The following COLGALT2 variants were observed in gnomAD, a reference collection of about 807,000 sequenced individuals.
COLGALT2 encodes the protein procollagen galactosyltransferase 2.
In COLGALT2, 49 loss-of-function variants were observed where a neutral mutation model predicts 73.4. The observed-to-expected ratio is 0.67, with a 90% CI of 0.53 to 0.85. The LOEUF (loss-of-function observed/expected upper bound fraction) is 0.85. COLGALT2 is among the 40% of genes least tolerant of loss of function. The pLI, the probability that COLGALT2 is intolerant of heterozygous loss-of-function variation, is 0.00. For synonymous variants in COLGALT2, 295 were observed against 307.6 expected (o/e 0.96, Z 0.43); for missense variants, 722 against 790.2 (o/e 0.91, Z 1.03).
intron 1 of COLGALT2, among the ~76,000 whole-genome samples, chr1:183,994,556 G>T (rs527973245): frequency 6.6e-6 from 1 of 151,830 alleles, no homozygotes; most frequent in East Asian, 1.9e-4. Flanking sequence ...CCAGGTTCAA[G>T]CGATTCTCCT....
At chr1:183,955,625 T>C (rs1406799145) in intron 6 of COLGALT2, among the ~76,000 whole-genome samples, 2 of 152,140 alleles carry the variant, frequency 1.3e-5, no homozygotes, top group Non-Finnish European at 1.5e-5. Context: ...AGTTTGGAAG[T>C]AATATTGGTT....
At chr1:183,983,745 G>A (rs1447940016) in intron 1 of COLGALT2, among the ~76,000 whole-genome samples, 9 of 152,194 alleles carry the variant, frequency 5.9e-5, no homozygotes, top group Non-Finnish European at 8.8e-5. Context: ...GAGGCACAGT[G>A]GCCCCTCTCT....
chr1:183,936,824 C>T lies in COLGALT2; in HGVS notation c.*1937G>A. The T allele has an allele frequency of 1.6e-6, 2 of 1,231,676 alleles. No homozygotes were observed. Among genetic ancestry groups the T allele is most frequent in the Non-Finnish European group, 2.0e-6 (2 of 987,980 alleles). 76.3% of individuals were successfully genotyped at this position (1,231,676 alleles called of 1,614,324 possible). A position where few individuals can be genotyped will look rare whatever the true frequency, so the allele number is the denominator to read the frequency against. ...AGAGTTGGGTGAGTTCCCTTTCCTCCAGCGGCCTAGCTTGCTGGTCAGTGT... is the reference window on the plus strand; with the variant it reads ...AGAGTTGGGTGAGTTCCCTTTCCTCTAGCGGCCTAGCTTGCTGGTCAGTGT... On this transcript the variant is annotated 3_prime_UTR_variant, in exon 12 of 12. Transcript: ENST00000361927.
rs188039162 is a variant in COLGALT2 at position 183,953,440 on chromosome 1, A to C, written c.1029+1322T>G. ...CTGCCCAAAGAAGACCGGAACTGGA[A>C]GATCCTGGTTTTGTCTTATTTTATT... On this transcript the variant is annotated intron_variant, in intron 7 of 11. Coordinates refer to ENST00000361927, the MANE Select transcript of COLGALT2 (RefSeq NM_015101.4). Among the ~76,000 whole-genome samples the C allele has an allele frequency of 2.4e-3, 360 of 152,270 alleles. 4 individuals are homozygous for C. The highest frequency in any genetic ancestry group is 8.4e-3 in the African/African-American group (348 of 41,570).
Position 183,938,976 on chromosome 1 carries a change from G to T in COLGALT2, c.1666C>A (p.Leu556Ile). The change falls in exon 12 of 12, where the codon CTC becomes ATC. Residue 556 changes from leucine (L) to isoleucine (I), a missense_variant. By Grantham distance (5) the Leu-to-Ile change is conservative. Coordinates refer to ENST00000361927, the MANE Select transcript of COLGALT2 (RefSeq NM_015101.4). ...DLKAFSAEPLLIYPTHYTGQP... is the reference protein window; with the variant it reads ...DLKAFSAEPLIIYPTHYTGQP... ...CCTGTGTAGTGCGTAGGGTAGATGA[G>T]CAAGGGTTCTGCAGAGAAGGCTTTC... 1 of 1,614,134 alleles carries T rather than the reference G, an allele frequency of 6.2e-7. No homozygotes were observed. Among genetic ancestry groups the T allele is most frequent in the Non-Finnish European group, 8.5e-7 (1 of 1,180,046 alleles).
intron 1 of COLGALT2, 41 bp from the exon 2 acceptor site, chr1:183,978,561 C>A: frequency 7.9e-7 from 1 of 1,262,192 alleles, no homozygotes; most frequent in Non-Finnish European, 1.1e-6. Context: ...CTATGTCATC[C>A]AATGAAAGAG....
chr1:183,958,458 T>G (rs1231366574), intron 6 of COLGALT2, among the ~76,000 whole-genome samples: 1 of 152,158 alleles, frequency 6.6e-6, no homozygotes, highest in Non-Finnish European at 1.5e-5. Flanking sequence ...CACCAAATGA[T>G]GTAAGTGTCC....
Position 184,037,319 on chromosome 1 carries a change from T to C in COLGALT2, c.39A>G (p.Leu13=), listed in dbSNP as rs1386019039. 3 of 1,512,554 alleles carry C rather than the reference T, an allele frequency of 2.0e-6. No homozygotes were observed. Among genetic ancestry groups the C allele is most frequent in the East Asian group, 5.4e-5 (2 of 36,720 alleles). 93.7% of individuals were successfully genotyped at this position (1,512,554 alleles called of 1,614,324 possible). ...ARPAATLAWS[L]LLLSSALLRE... is the part of the protein sequence containing the mutation. ...GGAGCAGGGCTGAGGAGAGGAGCAG[T>C]AGCGACCAGGCGAGGGTGGCAGCAG... Residue 13 remains leucine (L), a synonymous_variant, in exon 1 of 12, where the codon CTA becomes CTG. Transcript: ENST00000361927.
chr1:183,933,029 T>C (rs1284569339), downstream of COLGALT2, among the ~76,000 whole-genome samples: 1 of 152,166 alleles, frequency 6.6e-6, no homozygotes, highest in Non-Finnish European at 1.5e-5. Context: ...CCCCAAGCAT[T>C]GGGGGCACTG....
chr1:183,936,788 C>T lies in COLGALT2; in HGVS notation c.*1973G>A, dbSNP rs988246356. 1.3e-4 allele frequency: 164 copies of T among 1,231,468 alleles called. No individual in the cohort carries two copies. The highest frequency in any genetic ancestry group is 1.6e-4 in the African/African-American group (10 of 64,396). 76.3% of individuals were successfully genotyped at this position (1,231,468 alleles called of 1,614,324 possible). On this transcript the variant is annotated 3_prime_UTR_variant, in exon 12 of 12. Transcript: ENST00000361927. ...AGTCACACTGACAGCTAAGTCTAAGCGGCACAATTTAGAGTTGGGTGAGTT... is the reference window on the plus strand; with the variant it reads ...AGTCACACTGACAGCTAAGTCTAAGTGGCACAATTTAGAGTTGGGTGAGTT...
rs1669943475 is a variant in COLGALT2, at chr1:183,936,039, A to C, written c.*2722T>G. The stretch of plus-strand genomic sequence containing the variant: ...TGTCCTCTGCAAAGTGCAGGTGTTC[A>C]GTCCACACACAGCAGCACCAGCACT... On this transcript the variant is annotated 3_prime_UTR_variant, in exon 12 of 12. Transcript: ENST00000361927. The C allele has an allele frequency of 1.4e-5, 14 of 985,364 alleles. No homozygotes were observed. The highest frequency in any genetic ancestry group is 1.4e-5 in the Non-Finnish European group (12 of 829,978). 61.0% of individuals were successfully genotyped at this position (985,364 alleles called of 1,614,324 possible).
chr1:184,005,659 C>T (rs1672053368), intron 1 of COLGALT2, among the ~76,000 whole-genome samples: 1 of 152,200 alleles, frequency 6.6e-6, no homozygotes, highest in African/African-American at 2.4e-5. Context: ...CCTCTCCGTC[C>T]TCACTCCACC....
At chr1:183,934,994 CTTGT>C (rs1481011562), downstream of COLGALT2, among the ~76,000 whole-genome samples, 1 of 152,208 alleles carries the variant, frequency 6.6e-6, no homozygotes, top group Non-Finnish European at 1.5e-5. Context: ...GTGTCTCAGT[CTTGT>C]TTGTTATCAA....
intron 1 of COLGALT2, among the ~76,000 whole-genome samples, chr1:183,989,518 G>A (rs1010021164): frequency 6.6e-6 from 1 of 152,212 alleles, no homozygotes; most frequent in Admixed American, 6.5e-5. Flanking sequence ...GAACTGCAGT[G>A]ACAATGTGGG....
At chr1:184,005,870 G>T (rs1249210871) in intron 1 of COLGALT2, among the ~76,000 whole-genome samples, 4 of 152,200 alleles carry the variant, frequency 2.6e-5, no homozygotes. Flanking sequence ...GGATGAGAAT[G>T]TCAGAGAAAG....
At position 183,937,006 on chromosome 1, in the gene COLGALT2, T is replaced by A; in HGVS notation, c.*1755A>T. 8.1e-7 allele frequency: 1 copy of A among 1,231,730 alleles called. No homozygotes were observed. The highest frequency in any genetic ancestry group is 1.0e-6 in the Non-Finnish European group (1 of 987,972). 76.3% of individuals were successfully genotyped at this position (1,231,730 alleles called of 1,614,324 possible). A position where few individuals can be genotyped will look rare whatever the true frequency, so the allele number is the denominator to read the frequency against. On this transcript the variant is annotated 3_prime_UTR_variant, in exon 12 of 12. Transcript: ENST00000361927. ...GTGATGAGACAGCTTGGTGATCACT[T>A]TCTCTAGACTCTGAGCCATGCTGTT...
intron 8 of COLGALT2, among the ~76,000 whole-genome samples, chr1:183,946,769 C>T (rs978560953): frequency 3.3e-5 from 5 of 152,200 alleles, no homozygotes; most frequent in Admixed American, 1.3e-4. Context: ...TGGTGGCTCA[C>T]GCCTGTAATC....
chr1:183,994,187 C>T (rs796817899), intron 1 of COLGALT2, among the ~76,000 whole-genome samples: 84 of 150,860 alleles, frequency 5.6e-4, no homozygotes, highest in African/African-American at 1.9e-3. Context: ...TACAGGCACC[C>T]GCCACCACAC....
intron 1 of COLGALT2, among the ~76,000 whole-genome samples, chr1:184,024,914 T>G (rs934511012): frequency 1.3e-5 from 2 of 152,170 alleles, no homozygotes; most frequent in African/African-American, 4.8e-5. Flanking sequence ...AAGAAGATTA[T>G]CAGTAGCAAA....
Sources: allele counts gnomAD v4.1 joint callset (sites outside exome capture counted in the v4.1 genomes callset), GRCh38; gene constraint gnomAD v4.1.1; transcripts MANE v1.5; gene names NCBI Gene and HGNC (gene_info 2026-07-23, HGNC 2026-07-21).